Variants in RBBP8 observed in about 807,000 individuals in gnomAD.
RBBP8 encodes DNA endonuclease RBBP8.
Under a neutral mutation model 108.3 loss-of-function variants are expected in RBBP8, and 88 were observed. The ratio of observed to expected loss-of-function variants is 0.81; its 90% confidence interval spans 0.68 to 0.97. The LOEUF (loss-of-function observed/expected upper bound fraction) is 0.97, where lower values mean the gene tolerates loss of function less well. RBBP8 is among the 50% of genes least tolerant of loss of function. The pLI, the probability that RBBP8 is intolerant of heterozygous loss-of-function variation, is 0.00. For synonymous variants in RBBP8, 332 were observed against 348.2 expected, an observed-to-expected ratio of 0.95 and a Z score of 0.52; for missense variants, 1,023 against 1,049.0, an observed-to-expected ratio of 0.98 and a Z score of 0.34.
intron 4 of RBBP8, among the ~76,000 whole-genome samples, chr18:22,965,915 A>G (rs1270284804): frequency 1.3e-5 from 2 of 152,190 alleles, no homozygotes; most frequent in African/African-American, 4.8e-5. Flanking sequence ...GTGGCTGCTG[A>G]GCACTTGTCT....
At chr18:22,963,700 TC>T (rs1913313343) in intron 4 of RBBP8, among the ~76,000 whole-genome samples, 1 of 152,194 alleles carries the variant, frequency 6.6e-6, no homozygotes. Flanking sequence ...GAATGCCTCC[TC>T]CAGTAGATTT....
chr18:22,996,628 C>T (rs1018416379), intron 13 of RBBP8, among the ~76,000 whole-genome samples, 166 bp downstream of exon 13: 2 of 152,162 alleles, frequency 1.3e-5, no homozygotes, highest in African/African-American at 4.8e-5. Flanking sequence ...ATTCTTCTAA[C>T]TTTATGGTAT....
intron 12 of RBBP8, among the ~76,000 whole-genome samples, chr18:22,995,753 T>C (rs140236283): frequency 6.6e-6 from 1 of 152,354 alleles, no homozygotes; most frequent in African/African-American, 2.4e-5. Context: ...TTTTATTGGA[T>C]AATTTTTTAT....
chr18:22,916,662 T>C (rs929687680), intron 2 of RBBP8, among the ~76,000 whole-genome samples: 45 of 152,254 alleles, frequency 3.0e-4, no homozygotes, highest in African/African-American at 9.1e-4. Flanking sequence ...GCTGAATATA[T>C]ATGGGATTGC....
chr18:22,944,277 A>G (rs576689094), intron 2 of RBBP8, among the ~76,000 whole-genome samples: 1 of 152,234 alleles, frequency 6.6e-6, no homozygotes, highest in South Asian at 2.1e-4. Flanking sequence ...CTTACCAGAT[A>G]AAAGAGTAGT....
chr18:22,957,291 C>CTTTTTTTTTTTTTTTTTTTTTTTTTTT (rs11418623), intron 4 of RBBP8, among the ~76,000 whole-genome samples: 2 of 92,842 alleles, frequency 2.2e-5, no homozygotes, highest in Non-Finnish European at 3.9e-5. Context: ...ATTACTTTTT[C>CTTTTTTTTTTTTTTTTTTTTTTTTTTT]TTTTTTTTTT....
upstream of RBBP8, among the ~76,000 whole-genome samples, chr18:22,931,930 G>A (rs1164348389): frequency 6.6e-6 from 1 of 152,140 alleles, no homozygotes; most frequent in African/African-American, 2.4e-5. Flanking sequence ...TAGGAGGGGT[G>A]GTTGGTAGCG....
rs747839477 is a variant in RBBP8 at position 22,936,979 on chromosome 18, T to C, written c.109+19T>C. The C allele has an allele frequency of 1.9e-6, 3 of 1,613,410 alleles. No homozygotes were observed. The highest frequency in any genetic ancestry group is 2.2e-5 in the South Asian group (2 of 91,044). ...GTACAAGGTAAAATCTTTTCTTAAATACTTACAGCAGTATTTTGTTGAGAC... is the reference window on the plus strand; with the variant it reads ...GTACAAGGTAAAATCTTTTCTTAAACACTTACAGCAGTATTTTGTTGAGAC... On this transcript the variant is annotated intron_variant, in intron 2 of 18. Coordinates refer to ENST00000327155, the MANE Select transcript of RBBP8 (RefSeq NM_002894.3).
chr18:23,008,393 C>T (rs993023070), intron 16 of RBBP8, among the ~76,000 whole-genome samples: 1 of 152,042 alleles, frequency 6.6e-6, no homozygotes, highest in Non-Finnish European at 1.5e-5. Context: ...TTGTTTAATG[C>T]TTAATTCTTC....
intron 18 of RBBP8, among the ~76,000 whole-genome samples, chr18:23,022,646 T>TAAAATAAAATAAAA (rs1437856449): frequency 6.9e-5 from 2 of 29,088 alleles, no homozygotes; most frequent in African/African-American, 1.8e-4. Context: ...ATAAATAAAA[T>TAAAATAAAATAAAA]ACAATATAAA....
At chr18:22,988,620 T>C (rs1915483924) in intron 8 of RBBP8, among the ~76,000 whole-genome samples, 1 of 152,212 alleles carries the variant, frequency 6.6e-6, no homozygotes, top group East Asian at 1.9e-4. Context: ...TATTATAATG[T>C]TTATCACATT....
At chr18:22,982,032 C>T (rs1360765489) in intron 6 of RBBP8, among the ~76,000 whole-genome samples, 186 bp from the exon 7 acceptor site, 3 of 152,196 alleles carry the variant, frequency 2.0e-5, no homozygotes, top group Non-Finnish European at 4.4e-5. Context: ...CTTCACTTCT[C>T]ACATAGTATT....
intron 4 of RBBP8, among the ~76,000 whole-genome samples, chr18:22,967,984 TA>T (rs1190783173): frequency 6.6e-6 from 1 of 152,028 alleles, no homozygotes; most frequent in Non-Finnish European, 1.5e-5. Context: ...GAATTTTTAC[TA>T]ATAATTTTTT....
At chr18:22,939,788 G>A (rs777969164) in intron 2 of RBBP8, among the ~76,000 whole-genome samples, 1 of 152,176 alleles carries the variant, frequency 6.6e-6, no homozygotes, top group Non-Finnish European at 1.5e-5. Context: ...AGTATACTAT[G>A]TTATTATCTG....
At chr18:22,928,155 C>T (rs1166485430) in intron 3 of RBBP8, among the ~76,000 whole-genome samples, 2 of 140,190 alleles carry the variant, frequency 1.4e-5, no homozygotes, top group African/African-American at 5.4e-5. Context: ...AAGCTGAGAT[C>T]GCGCCACTGC....
At chr18:22,924,089 C>A (rs1018368533) in intron 3 of RBBP8, among the ~76,000 whole-genome samples, 1 of 150,816 alleles carries the variant, frequency 6.6e-6, no homozygotes, top group Non-Finnish European at 1.5e-5. Flanking sequence ...TTAGTTACCT[C>A]CTACAGTGTA....
chr18:22,977,416 G>A (rs1217226968), intron 6 of RBBP8, among the ~76,000 whole-genome samples: 3 of 151,736 alleles, frequency 2.0e-5, no homozygotes, highest in Non-Finnish European at 4.4e-5. Context: ...TATATGATAG[G>A]GCAGTTATTA....
At chr18:22,928,924 C>T (rs937371192), upstream of RBBP8, among the ~76,000 whole-genome samples, 1 of 152,160 alleles carries the variant, frequency 6.6e-6, no homozygotes, top group African/African-American at 2.4e-5. Flanking sequence ...ACCACCTCGG[C>T]CTCCCAAAGT....
At chr18:22,939,827 T>C (rs1910908352) in intron 2 of RBBP8, among the ~76,000 whole-genome samples, 1 of 152,164 alleles carries the variant, frequency 6.6e-6, no homozygotes, top group South Asian at 2.1e-4. Context: ...TGAGGGTGTG[T>C]GTGGTTGCAT....
Sources: allele counts gnomAD v4.1 joint callset (sites outside exome capture counted in the v4.1 genomes callset), GRCh38; gene constraint gnomAD v4.1.1; transcripts MANE v1.5; gene names NCBI Gene and HGNC (gene_info 2026-07-23, HGNC 2026-07-21).